Variants in THSD7B observed in about 807,000 individuals in gnomAD.
The protein encoded by THSD7B is thrombospondin type-1 domain-containing protein 7B.
THSD7B carries 138 observed loss-of-function variants against 213.6 expected under a neutral mutation model. The ratio of observed to expected loss-of-function variants is 0.65; its 90% CI spans 0.56 to 0.74. The LOEUF (loss-of-function observed/expected upper bound fraction) is 0.74, where lower values mean the gene tolerates loss of function less well. Ranked by LOEUF, THSD7B falls within the 30% of genes least tolerant of loss-of-function variation. The probability of loss-of-function intolerance (pLI) is 0.00; values close to 1 mark genes in which losing one functional copy is unlikely to be tolerated. For missense variants in THSD7B, 1,931 were observed against 1,991.5 expected (o/e 0.97, Z 0.58); for synonymous variants, 742 against 687.0 (o/e 1.08, Z -1.25).
In THSD7B at chr2:137,412,597, C is replaced by CAAAAA. The variant is rs748551585; in HGVS notation, c.2959+734_2959+738dup. 1.5e-3 allele frequency among the ~76,000 whole-genome samples: 36 copies of CAAAAA among 24,064 alleles called. 7 individuals are homozygous for CAAAAA. Among genetic ancestry groups the CAAAAA allele is most frequent in the Middle Eastern group, 0.031 (1 of 32 alleles). The allele number at this position is 24,064 out of a possible 152,430, so 15.8% of individuals were successfully genotyped here. A position where few individuals can be genotyped will look rare whatever the true frequency, so the allele number is the denominator to read the frequency against. On this transcript the variant is annotated intron_variant, in intron 14 of 27. Transcript: ENST00000409968. ...GGGCAACGAGAGCAAAACTCTGTCT[C>CAAAAA]AAAAAAAAAAAAACAAAAAAAAACA...
chr2:137,466,356 T>TAA (rs1687990485), intron 15 of THSD7B, among the ~76,000 whole-genome samples: 1 of 152,148 alleles, frequency 6.6e-6, no homozygotes, highest in Admixed American at 6.6e-5. Flanking sequence ...TGGGAGGTCA[T>TAA]AAAGTGTGAA....
intron 2 of THSD7B, among the ~76,000 whole-genome samples, chr2:136,976,960 A>G (rs1055892057): frequency 6.6e-6 from 1 of 152,106 alleles, no homozygotes; most frequent in South Asian, 2.1e-4. Flanking sequence ...AGGTTTTGGT[A>G]TCAGGATGAT....
intron 17 of THSD7B, among the ~76,000 whole-genome samples, chr2:137,576,851 C>A (rs771489711): frequency 6.8e-6 from 1 of 147,214 alleles, no homozygotes; most frequent in Non-Finnish European, 1.5e-5. Context: ...AGGCTGTGAG[C>A]AATGACATTT....
At chr2:137,667,919 C>A in intron 27 of THSD7B, 58 bp downstream of exon 27, 1 of 1,390,960 alleles carries the variant, frequency 7.2e-7, no homozygotes, top group Non-Finnish European at 9.8e-7. Flanking sequence ...TCATGTTATA[C>A]TTAAAACAAG....
At chr2:137,377,966 G>A (rs1315550376) in intron 12 of THSD7B, among the ~76,000 whole-genome samples, 4 of 152,216 alleles carry the variant, frequency 2.6e-5, no homozygotes, top group South Asian at 2.1e-4. Flanking sequence ...GACTTTTAGT[G>A]TATCCACAGA....
intron 2 of THSD7B, among the ~76,000 whole-genome samples, chr2:137,038,286 ACTT>A (rs1328535568): frequency 1.3e-5 from 2 of 152,182 alleles, no homozygotes; most frequent in African/African-American, 4.8e-5. Flanking sequence ...TCTTATTAAA[ACTT>A]CTTCATTCAA....
In THSD7B at chr2:136,908,960, C is replaced by T. The variant is rs976580501; in HGVS notation, c.139+26643C>T. On this transcript the variant is annotated intron_variant, in intron 2 of 27. Transcript: ENST00000409968. Reference sequence around the variant, plus strand: ...TTTTGGGAGGCCGAGGTGGGAGAATCACTTGAGGTCAGGAGTTCGAGACCA... The same window carrying T: ...TTTTGGGAGGCCGAGGTGGGAGAATTACTTGAGGTCAGGAGTTCGAGACCA... 1.3e-5 allele frequency among the ~76,000 whole-genome samples: 2 copies of T among 152,080 alleles called. 1 individual carries two copies. Among genetic ancestry groups the T allele is most frequent in the South Asian group, 4.2e-4 (2 of 4,818 alleles).
At chr2:137,596,901 A>G (rs1225158374) in intron 17 of THSD7B, among the ~76,000 whole-genome samples, 2 of 152,108 alleles carry the variant, frequency 1.3e-5, no homozygotes, top group Middle Eastern at 3.2e-3. Context: ...CAAGATTATT[A>G]TGTATAACTG....
intron 15 of THSD7B, among the ~76,000 whole-genome samples, chr2:137,510,284 T>G (rs1381208099): frequency 6.6e-6 from 1 of 152,156 alleles, no homozygotes; most frequent in Admixed American, 6.5e-5. Context: ...AAGTGATTGC[T>G]ATAGCGATTA....
At chr2:137,073,587 A>T (rs914913546) in intron 3 of THSD7B, among the ~76,000 whole-genome samples, 13 of 152,152 alleles carry the variant, frequency 8.5e-5, no homozygotes, top group African/African-American at 2.9e-4. Context: ...TATCTCCTTC[A>T]GTTCTGCTCT....
chr2:137,190,419 C>A (rs1680634260), intron 7 of THSD7B, among the ~76,000 whole-genome samples: 1 of 152,106 alleles, frequency 6.6e-6, no homozygotes, highest in African/African-American at 2.4e-5. Context: ...GAATTGGCAT[C>A]ATAACATCTG....
intron 3 of THSD7B, among the ~76,000 whole-genome samples, chr2:137,073,416 T>C (rs1687543149): frequency 6.6e-6 from 1 of 152,240 alleles, no homozygotes. Flanking sequence ...TATTCTCTGA[T>C]GGTAGTTTGT....
At chr2:137,616,397 A>G (rs1682387733) in intron 18 of THSD7B, 81 bp downstream of exon 18, 2 of 1,294,828 alleles carry the variant, frequency 1.5e-6, no homozygotes, top group Admixed American at 1.9e-5. Context: ...TTCATTCTCA[A>G]GATTAAGAAT....
At chr2:136,902,329 G>C (rs904932005) in intron 2 of THSD7B, among the ~76,000 whole-genome samples, 4 of 152,208 alleles carry the variant, frequency 2.6e-5, no homozygotes, top group African/African-American at 9.6e-5. Flanking sequence ...TGTTTTAATA[G>C]TTTCAAAGGT....
At chr2:136,959,334 A>G (rs1354939671) in intron 2 of THSD7B, among the ~76,000 whole-genome samples, 2 of 152,232 alleles carry the variant, frequency 1.3e-5, no homozygotes, top group Non-Finnish European at 2.9e-5. Flanking sequence ...TCTCTCGATC[A>G]GTAGCTTAGC....
intron 17 of THSD7B, among the ~76,000 whole-genome samples, chr2:137,592,540 C>T (rs1681885188): frequency 6.6e-6 from 1 of 151,804 alleles, no homozygotes; most frequent in Non-Finnish European, 1.5e-5. Flanking sequence ...AGTTCAAGTG[C>T]TTTAGTGCAT....
At chr2:137,213,020 A>G (rs6430689) in intron 7 of THSD7B, among the ~76,000 whole-genome samples, 86,521 of 145,972 alleles carry the variant, frequency 0.59, 26,089 homozygotes, top group South Asian at 0.71. Flanking sequence ...ATAAGGTGAT[A>G]TCTGTATGCT....
At chr2:137,229,268 G>A (rs1227584734) in intron 7 of THSD7B, among the ~76,000 whole-genome samples, 3 of 152,156 alleles carry the variant, frequency 2.0e-5, no homozygotes, top group African/African-American at 7.2e-5. Flanking sequence ...ATTCACAAGT[G>A]TGGAAATTAA....
chr2:137,089,816 C>A (rs564225630), intron 3 of THSD7B, among the ~76,000 whole-genome samples: 1 of 152,156 alleles, frequency 6.6e-6, no homozygotes, highest in South Asian at 2.1e-4. Context: ...TGAGACCAGC[C>A]TGGCCAACAG....
Sources: allele counts gnomAD v4.1 joint callset (sites outside exome capture counted in the v4.1 genomes callset), GRCh38; gene constraint gnomAD v4.1.1; transcripts MANE v1.5; gene names NCBI Gene and HGNC (gene_info 2026-07-23, HGNC 2026-07-21).